The following ETF1 variants were observed in gnomAD, a reference collection of about 807,000 sequenced individuals.
ETF1 encodes eukaryotic translation termination factor 1.
Under a neutral mutation model 55.1 loss-of-function variants are expected in ETF1, and 4 were observed. The observed-to-expected ratio is 0.07, with a 90% CI of 0.04 to 0.17. ETF1 has a LOEUF of 0.17. Ranked by LOEUF, ETF1 falls within the 10% of genes least tolerant of loss-of-function variation. The pLI is 1.00. For synonymous variants in ETF1, 157 were observed against 182.3 expected, an observed-to-expected ratio of 0.86 and a Z score of 1.12; for missense variants, 142 against 523.6, an observed-to-expected ratio of 0.27 and a Z score of 7.11.
Position 138,517,576 on chromosome 5 carries a change from G to T in ETF1, c.387C>A (p.Asn129Lys). ...GACTTCTTACCTCTGTATGGAATTTGTTGTCACACAAATACAATGACGTAT... is the reference window on the plus strand; with the variant it reads ...GACTTCTTACCTCTGTATGGAATTTTTTGTCACACAAATACAATGACGTAT... ...PINTSLYLCD[N>K]KFHTEALTAL... The change falls in exon 4 of 11, where the codon AAC (asparagine) becomes AAA (lysine). Residue 129 changes from asparagine (N) to lysine (K), a missense_variant. This residue lies in a region of ETF1 where 22 missense variants were observed against 158.7 expected (regional missense o/e 0.14). Coordinates refer to ENST00000360541, the MANE Select transcript of ETF1 (RefSeq NM_004730.4). 6.3e-7 allele frequency: 1 copy of T among 1,578,452 alleles called. No homozygotes were observed. The highest frequency in any genetic ancestry group is 8.6e-7 in the Non-Finnish European group (1 of 1,156,228).
chr5:138,524,444 T>C (rs1043748220), intron 2 of ETF1, among the ~76,000 whole-genome samples: 2 of 151,716 alleles, frequency 1.3e-5, no homozygotes, highest in Admixed American at 6.6e-5. Flanking sequence ...TCTCAGCTAC[T>C]TGGGAGACTG....
At chr5:138,516,226 A>G (rs1190288170) in intron 4 of ETF1, among the ~76,000 whole-genome samples, 2 of 152,234 alleles carry the variant, frequency 1.3e-5, no homozygotes, top group East Asian at 1.9e-4. Context: ...CTCAAAGAGT[A>G]TAACTGGACT....
intron 3 of ETF1, among the ~76,000 whole-genome samples, chr5:138,518,277 C>A (rs1057043566): frequency 6.6e-6 from 1 of 151,368 alleles, no homozygotes; most frequent in Admixed American, 6.6e-5. Context: ...GCAGCGAGAT[C>A]GTGGCTCACT....
rs190051170 is a variant in ETF1 at position 138,530,159 on chromosome 5, A to G, written c.87-11292T>C. Among the ~76,000 whole-genome samples the G allele has an allele frequency of 9.1e-4, 139 of 152,026 alleles. 1 individual carries two copies. Among genetic ancestry groups the G allele is most frequent in the Admixed American group, 8.2e-3 (126 of 15,290 alleles). Reference sequence around the variant, plus strand: ...GAGCTTTCTAAAGAAGCAAAATAAAAGAATACATGCTCAGACACAAAAGAT... The same window carrying G: ...GAGCTTTCTAAAGAAGCAAAATAAAGGAATACATGCTCAGACACAAAAGAT... On this transcript the variant is annotated intron_variant, in intron 2 of 10. Transcript: ENST00000360541.
chr5:138,510,772 G>C (rs1285732298), intron 8 of ETF1, 143 bp from the exon 9 acceptor site: 2 of 1,205,176 alleles, frequency 1.7e-6, no homozygotes, highest in African/African-American at 1.5e-5. Context: ...AGCATACACT[G>C]AGTGTCTACT....
chr5:138,533,783 C>G (rs1765803306), intron 2 of ETF1, among the ~76,000 whole-genome samples: 1 of 152,110 alleles, frequency 6.6e-6, no homozygotes, highest in Non-Finnish European at 1.5e-5. Flanking sequence ...TTCACTGCAC[C>G]TAAAAGTTCA....
At chr5:138,539,612 C>G (rs1481973432) in intron 2 of ETF1, among the ~76,000 whole-genome samples, 1 of 152,214 alleles carries the variant, frequency 6.6e-6, no homozygotes, top group Non-Finnish European at 1.5e-5. Flanking sequence ...TAAGCATGTT[C>G]TACCCAAATC....
intron 2 of ETF1, among the ~76,000 whole-genome samples, chr5:138,535,927 T>A (rs960746023): frequency 1.5e-5 from 2 of 130,782 alleles, no homozygotes; most frequent in Non-Finnish European, 3.2e-5. Flanking sequence ...TTATACTAAA[T>A]CCCCTTCAAC....
At chr5:138,524,752 AT>A (rs923624912) in intron 2 of ETF1, among the ~76,000 whole-genome samples, 1 of 151,492 alleles carries the variant, frequency 6.6e-6, no homozygotes, top group Non-Finnish European at 1.5e-5. Flanking sequence ...TAATTTTTGT[AT>A]TTTTAGTAGA....
chr5:138,538,910 G>C (rs1305356856), intron 2 of ETF1, among the ~76,000 whole-genome samples: 1 of 152,174 alleles, frequency 6.6e-6, no homozygotes, highest in Non-Finnish European at 1.5e-5. Flanking sequence ...TATAATGTGA[G>C]GAATTCAGTG....
chr5:138,534,302 T>G (rs940782289), intron 2 of ETF1, among the ~76,000 whole-genome samples: 4 of 152,190 alleles, frequency 2.6e-5, no homozygotes, highest in Admixed American at 2.6e-4. Flanking sequence ...TAGGCATTAT[T>G]AGTCTTAAAA....
intron 2 of ETF1, among the ~76,000 whole-genome samples, chr5:138,528,732 A>T (rs9327813): frequency 0.39 from 59,744 of 152,042 alleles, 12,375 homozygotes; most frequent in East Asian, 0.8. Flanking sequence ...TTCTGAATTT[A>T]CCTTTAAAAT....
chr5:138,533,093 C>T (rs1038160906), intron 2 of ETF1, among the ~76,000 whole-genome samples: 1 of 152,072 alleles, frequency 6.6e-6, no homozygotes, highest in Non-Finnish European at 1.5e-5. Context: ...ACACGGACCA[C>T]CACGCCTGGC....
At position 138,508,745 on chromosome 5, in the gene ETF1, A is replaced by G; in HGVS notation, c.1155T>C (p.Phe385=). The G allele has an allele frequency of 6.2e-7, 1 of 1,613,848 alleles. No individual in the cohort carries two copies. The highest frequency in any genetic ancestry group is 8.5e-7 in the Non-Finnish European group (1 of 1,180,030). Residue 385 remains phenylalanine (F), a synonymous_variant, in exon 10 of 11, where the codon TTT becomes TTC. Transcript: ENST00000360541. ...CTGTGACAATTTCCAACGTAGCTCC[A>G]AATTTTTTATAGTTGTTAGCAAACC... ...LEWFANNYKK[F]GATLEIVTDK...
chr5:138,543,123 G>A lies in ETF1; in HGVS notation c.-45C>T. On this transcript the variant is annotated 5_prime_UTR_variant, in exon 1 of 11. Transcript: ENST00000360541. ...TAAGGGCCCAGTCCTGGGCGGCAGC[G>A]GCTGCTCCTCCCCGGCGGCGGCTCC... 1.7e-6 allele frequency: 1 copy of A among 592,954 alleles called. No homozygotes were observed. Among genetic ancestry groups the A allele is most frequent in the Non-Finnish European group, 2.9e-6 (1 of 342,658 alleles). 36.7% of individuals were successfully genotyped at this position (592,954 alleles called of 1,614,324 possible). A position where few individuals can be genotyped will look rare whatever the true frequency, so the allele number is the denominator to read the frequency against.
At chr5:138,511,739 G>A in intron 6 of ETF1, 135 bp from the exon 7 acceptor site, 14 of 1,379,964 alleles carry the variant, frequency 1.0e-5, no homozygotes, top group Non-Finnish European at 1.3e-5. Context: ...CTAAATATGG[G>A]GAAGGAGCCC....
intron 2 of ETF1, among the ~76,000 whole-genome samples, chr5:138,527,004 A>G (rs1209097398): frequency 6.6e-6 from 1 of 151,896 alleles, no homozygotes; most frequent in African/African-American, 2.4e-5. Flanking sequence ...CTGACCTTCT[A>G]ATTTTTGTAT....
At chr5:138,538,611 T>C (rs1211995550) in intron 2 of ETF1, among the ~76,000 whole-genome samples, 1 of 152,162 alleles carries the variant, frequency 6.6e-6, no homozygotes, top group Non-Finnish European at 1.5e-5. Flanking sequence ...TTCAGGTATT[T>C]GTATCAAAGA....
At chr5:138,510,394 A>G (rs1280580947) in intron 9 of ETF1, among the ~76,000 whole-genome samples, 171 bp downstream of exon 9, 1 of 132,650 alleles carries the variant, frequency 7.5e-6, no homozygotes, top group Non-Finnish European at 1.6e-5. Context: ...AAAAAGCTGC[A>G]GCTCCTTCCC....
Sources: allele counts gnomAD v4.1 joint callset (sites outside exome capture counted in the v4.1 genomes callset), GRCh38; gene constraint gnomAD v4.1.1; regional missense constraint gnomAD v4.1.1; transcripts MANE v1.5; gene names NCBI Gene and HGNC (gene_info 2026-07-23, HGNC 2026-07-21).